MGAM: variants seen among roughly 807,000 people sequenced by gnomAD.
MGAM encodes the protein maltase-glucoamylase.
MGAM carries 253 observed loss-of-function variants against 358.8 expected under a neutral mutation model. That is an observed-to-expected ratio of 0.71 (90% CI 0.64 to 0.78). MGAM has a LOEUF of 0.78. Among genes scored for constraint, MGAM ranks in the 30% least tolerant of loss-of-function variants. The pLI is 0.00. For missense variants in MGAM, 3,080 were observed against 3,432.6 expected (o/e 0.90, Z 2.57); for synonymous variants, 1,105 against 1,227.1 (o/e 0.90, Z 2.08).
rs747257948 is a variant in MGAM, at chr7:142,070,999, G to A, written c.5067G>A (p.Val1689=). 24 of 1,556,144 alleles carry A rather than the reference G, an allele frequency of 1.5e-5. 3 individuals carry two copies. The South Asian group carries it at 2.1e-4, about 14-fold the overall frequency. The change falls in exon 44 of 71, where the codon GTG becomes GTA. Residue 1689 remains valine (V), a synonymous_variant. Transcript: ENST00000475668. The part of the protein sequence containing the change: ...RARWYDYYTG[V]DINARGEWKT... ...TTACCTTCTTCTGCCCCCAGGGTGT[G>A]GATATTAATGCAAGAGGAGAGTGGA...
chr7:142,069,362 G>C (rs1418205837), intron 43 of MGAM, among the ~76,000 whole-genome samples: 1 of 145,780 alleles, frequency 6.9e-6, no homozygotes, highest in Admixed American at 6.9e-5. Flanking sequence ...GGGTCTTCCC[G>C]GGCAGCTCTG....
chr7:142,043,960 A>T (rs1809512718), intron 21 of MGAM, among the ~76,000 whole-genome samples: 1 of 114,708 alleles, frequency 8.7e-6, no homozygotes, highest in Non-Finnish European at 1.6e-5. Context: ...TATATACATT[A>T]TATACACATA....
At chr7:142,092,134 G>A in intron 58 of MGAM, 87 bp downstream of exon 58, 1 of 1,462,828 alleles carries the variant, frequency 6.8e-7, no homozygotes, top group South Asian at 1.3e-5. Context: ...TCAGTCAAGA[G>A]GATAGTCATT....
Position 142,055,725 on chromosome 7 carries a change from G to T in MGAM, c.3482G>T (p.Gly1161Val), listed in dbSNP as rs1257913428. 1 of 1,613,834 alleles carries T rather than the reference G, an allele frequency of 6.2e-7. No homozygotes were observed. The highest frequency in any genetic ancestry group is 1.7e-5 in the Admixed American group (1 of 59,996). ...WGMFSRDQPP[G>V]YKKNSYGVHP... ...ATGTTCTCCCGAGACCAGCCCCCAG[G>T]GGTAAGGACAGAGCATTTGGGATCT... The change falls in exon 28 of 71, where the codon GGG becomes GTG. Residue 1161 changes from glycine (G) to valine (V), a missense_variant and splice_region_variant. Gly to Val is a moderately radical substitution (Grantham distance 109). Transcript: ENST00000475668.
chr7:142,066,485 C>A (rs1486899052), intron 40 of MGAM, 88 bp from the exon 41 acceptor site: 1 of 1,403,656 alleles, frequency 7.1e-7, no homozygotes, highest in Non-Finnish European at 9.9e-7. Flanking sequence ...TGTGAGTGAT[C>A]TTCAATTGGA....
intron 70 of MGAM, 133 bp from the exon 71 acceptor site, chr7:142,105,681 G>A: frequency 3.2e-6 from 2 of 628,292 alleles, no homozygotes; most frequent in South Asian, 4.0e-5. Context: ...AACTTTGAAG[G>A]CAGTCTTTTA....
Position 142,055,584 on chromosome 7 carries a change from C to T in MGAM, c.3341C>T (p.Thr1114Ile), listed in dbSNP as rs776984571. The change falls in exon 28 of 71, where the codon ACC becomes ATC. Residue 1114 changes from threonine (T) to isoleucine (I), a missense_variant. By Grantham distance (89) the Thr-to-Ile change is moderately conservative (BLOSUM62 -1). Coordinates refer to ENST00000475668, the MANE Select transcript of MGAM (RefSeq NM_001365693.1). Reference sequence around the variant, plus strand: ...TGGGACTCTCAGCTCCTTGGCTTTACCTTCAGTGACATGTTTATCCGCATC... The same window carrying T: ...TGGGACTCTCAGCTCCTTGGCTTTATCTTCAGTGACATGTTTATCCGCATC... ...IIWDSQLLGF[T>I]FSDMFIRIST... The T allele has an allele frequency of 1.2e-6, 2 of 1,613,938 alleles. No individual in the cohort carries two copies. Among genetic ancestry groups the T allele is most frequent in the African/African-American group, 2.7e-5 (2 of 75,022 alleles).
At chr7:142,035,212 T>A (rs1807877658) in intron 16 of MGAM, among the ~76,000 whole-genome samples, 1 of 152,178 alleles carries the variant, frequency 6.6e-6, no homozygotes, top group African/African-American at 2.4e-5. Context: ...CTACAGTCTT[T>A]GGCATTTTTT....
intron 22 of MGAM, among the ~76,000 whole-genome samples, chr7:142,048,626 A>C (rs1810647672): frequency 6.7e-6 from 1 of 148,728 alleles, no homozygotes; most frequent in Admixed American, 6.8e-5. Context: ...TTGTGGATCC[A>C]GTATACTAAC....
rs1282322687 is a variant in MGAM at position 142,079,510 on chromosome 7, A to G, written c.5847+502A>G. Among the ~76,000 whole-genome samples the G allele has an allele frequency of 4.8e-5, 7 of 146,070 alleles. 2 individuals carry two copies. Among genetic ancestry groups the G allele is most frequent in the Admixed American group, 1.4e-4 (2 of 14,508 alleles). ...AAAAGGTTTGTGCTTGATCAATGTAAGATGATATGTTCAGTTTGGGATACT... is the reference window on the plus strand; with the variant it reads ...AAAAGGTTTGTGCTTGATCAATGTAGGATGATATGTTCAGTTTGGGATACT... On this transcript the variant is annotated intron_variant, in intron 49 of 70. Coordinates refer to ENST00000475668, the MANE Select transcript of MGAM (RefSeq NM_001365693.1).
At chr7:142,042,831 C>G (rs191522477) in intron 21 of MGAM, among the ~76,000 whole-genome samples, 3 of 26,154 alleles carry the variant, frequency 1.1e-4, no homozygotes, top group South Asian at 1.6e-3. Context: ...AATATAATAT[C>G]TATATTATAT....
chr7:142,104,808 G>A (rs1415223765), intron 70 of MGAM, among the ~76,000 whole-genome samples: 1 of 152,172 alleles, frequency 6.6e-6, no homozygotes, highest in Admixed American at 6.5e-5. Context: ...GATTAATGCT[G>A]TGTAGTGGTC....
intron 3 of MGAM, among the ~76,000 whole-genome samples, chr7:142,012,338 C>T (rs1256962134): frequency 6.6e-6 from 1 of 152,150 alleles, no homozygotes; most frequent in Non-Finnish European, 1.5e-5. Context: ...CTTCTTGCTG[C>T]ATCCTCACAT....
chr7:142,043,607 ATC>A (rs1809395169), intron 21 of MGAM, among the ~76,000 whole-genome samples: 1 of 127,962 alleles, frequency 7.8e-6, no homozygotes, highest in African/African-American at 3.1e-5. Context: ...TACATATAAT[ATC>A]TAATATATAA....
At chr7:142,018,745 A>G (rs948310774) in intron 3 of MGAM, among the ~76,000 whole-genome samples, 1 of 152,228 alleles carries the variant, frequency 6.6e-6, no homozygotes, top group Non-Finnish European at 1.5e-5. Flanking sequence ...TGTATAATCC[A>G]TATAAATGTA....
At position 142,078,280 on chromosome 7, in the gene MGAM, C is replaced by G. The variant is rs1159956684; in HGVS notation, c.5494-38C>G. ...CTTAGATTTTGCAAGGCCTTTCTCC[C>G]AAAGATGAATTTCCTTGTGATTTCT... On this transcript the variant is annotated intron_variant, in intron 47 of 70. Coordinates refer to ENST00000475668, the MANE Select transcript of MGAM (RefSeq NM_001365693.1). 5 of 1,390,126 alleles carry G rather than the reference C, an allele frequency of 3.6e-6. No individual in the cohort carries two copies. The East Asian group carries it at 1.3e-4, about 36-fold the overall frequency. The allele number at this position is 1,390,126 out of a possible 1,614,324, so 86.1% of individuals were successfully genotyped here.
intron 2 of MGAM, among the ~76,000 whole-genome samples, chr7:141,990,587 C>T (rs1177474717): frequency 1.3e-5 from 2 of 152,044 alleles, no homozygotes; most frequent in South Asian, 4.2e-4. Flanking sequence ...CCAGAAGTGT[C>T]CCTGATTGTC....
chr7:142,023,928 T>A (rs1310488095), intron 7 of MGAM, among the ~76,000 whole-genome samples: 3 of 152,250 alleles, frequency 2.0e-5, no homozygotes, highest in Non-Finnish European at 4.4e-5. Flanking sequence ...TTCTTCCATC[T>A]ATTGAATTAA....
chr7:142,014,100 A>G (rs1390077984), intron 3 of MGAM, among the ~76,000 whole-genome samples: 2 of 152,218 alleles, frequency 1.3e-5, no homozygotes, highest in African/African-American at 4.8e-5. Context: ...TTAGCACTCC[A>G]GCTTCAGTGA....
Sources: allele counts gnomAD v4.1 joint callset (sites outside exome capture counted in the v4.1 genomes callset), GRCh38; gene constraint gnomAD v4.1.1; transcripts MANE v1.5; gene names NCBI Gene and HGNC (gene_info 2026-07-23, HGNC 2026-07-21).